SLC60A1: variants seen among roughly 807,000 people sequenced by gnomAD.
SLC60A1 encodes the protein major facilitator superfamily domain containing 4.
the SLC60A1 span, among the ~76,000 whole-genome samples, chr1:205,588,493 A>AG: frequency 0.019 from 2,551 of 135,634 alleles, 154 homozygotes; most frequent in African/African-American, 0.067. Flanking sequence ...AAAAAAAAGA[A>AG]AGAGAAAATA....
chr1:205,600,384 C>A, the SLC60A1 span: 1 of 1,611,248 alleles, frequency 6.2e-7, no homozygotes, highest in African/African-American at 1.3e-5. Flanking sequence ...AACATGCTAC[C>A]TGTTTTGTTT....
the SLC60A1 span, chr1:205,600,206 C>T: frequency 1.9e-6 from 1 of 531,000 alleles, no homozygotes. Flanking sequence ...ACACATTCCC[C>T]AAGCCCTAGA....
At chr1:205,576,016 T>G in the SLC60A1 span, among the ~76,000 whole-genome samples, 2 of 152,164 alleles carry the variant, frequency 1.3e-5, no homozygotes, top group Non-Finnish European at 2.9e-5. Context: ...GGCCTCAGTT[T>G]CCTGATCTGT....
the SLC60A1 span, chr1:205,592,190 C>T: frequency 1.9e-6 from 3 of 1,614,176 alleles, no homozygotes; most frequent in East Asian, 2.2e-5. Flanking sequence ...CCTACAACGT[C>T]GTCTTCCTGT....
chr1:205,572,833 A>G, the SLC60A1 span, among the ~76,000 whole-genome samples: 1 of 152,242 alleles, frequency 6.6e-6, no homozygotes, highest in African/African-American at 2.4e-5. Flanking sequence ...ACTCCCAGGT[A>G]TGATCCCCAA....
chr1:205,569,397 C>A, the SLC60A1 span: 1 of 872,860 alleles, frequency 1.1e-6, no homozygotes, highest in Non-Finnish European at 1.5e-6. Context: ...GCCTCTCCCC[C>A]GGCCCCGTGG....
the SLC60A1 span, among the ~76,000 whole-genome samples, chr1:205,584,504 G>A: frequency 2.7e-5 from 4 of 147,486 alleles, no homozygotes; most frequent in Non-Finnish European, 5.9e-5. Flanking sequence ...GATTATAGGT[G>A]TAAGCCACCA....
At chr1:205,599,086 G>A in the SLC60A1 span, 6 of 1,610,466 alleles carry the variant, frequency 3.7e-6, no homozygotes, top group African/African-American at 2.7e-5. Flanking sequence ...CACCTTCCAC[G>A]TGAAGTTTTA....
At chr1:205,592,251 A>C in the SLC60A1 span, 1 of 1,613,874 alleles carries the variant, frequency 6.2e-7, no homozygotes, top group Non-Finnish European at 8.5e-7. Flanking sequence ...CTTCCCCAGC[A>C]TGCTGGCCTA....
At chr1:205,599,218 T>C in the SLC60A1 span, 1 of 1,614,104 alleles carries the variant, frequency 6.2e-7, no homozygotes, top group Non-Finnish European at 8.5e-7. Context: ...CTTGCTCCTG[T>C]TTTTCCACAG....
the SLC60A1 span, among the ~76,000 whole-genome samples, chr1:205,585,683 C>T: frequency 4.4e-5 from 4 of 91,436 alleles, no homozygotes; most frequent in South Asian, 3.4e-4. The surrounding 1 kb of genome is among the most constrained non-coding windows in gnomAD (Gnocchi z 4.2). Flanking sequence ...TGCTTGCACA[C>T]ACCTTTTTTT....
chr1:205,576,409 A>G, the SLC60A1 span, among the ~76,000 whole-genome samples: 2 of 152,208 alleles, frequency 1.3e-5, no homozygotes, highest in Non-Finnish European at 1.5e-5. Context: ...TCCTCGTGGC[A>G]GCCCCAACCT....
the SLC60A1 span, among the ~76,000 whole-genome samples, chr1:205,591,252 G>A: frequency 6.6e-6 from 1 of 152,176 alleles, no homozygotes; most frequent in Non-Finnish European, 1.5e-5. Context: ...GGAAGCTGAG[G>A]CAGATGGATT....
chr1:205,595,092 G>A, the SLC60A1 span: 19 of 152,188 alleles, frequency 1.2e-4, no homozygotes, highest in African/African-American at 4.6e-4. Flanking sequence ...CAGAGATGAT[G>A]AGCATGGCCC....
At chr1:205,577,835 G>A in the SLC60A1 span, among the ~76,000 whole-genome samples, 562 of 152,350 alleles carry the variant, frequency 3.7e-3, 2 homozygotes, top group African/African-American at 0.013. The surrounding 1 kb of genome is among the most constrained non-coding windows in gnomAD (Gnocchi z 5.2). Flanking sequence ...TCTGTCTGCT[G>A]CTATCTTAGC....
chr1:205,574,827 C>T, the SLC60A1 span, among the ~76,000 whole-genome samples: 1 of 152,200 alleles, frequency 6.6e-6, no homozygotes, highest in Admixed American at 6.5e-5. Context: ...TGCCTAGCAC[C>T]ATGGTGGGCC....
chr1:205,585,769 A>G, the SLC60A1 span, among the ~76,000 whole-genome samples: 436 of 151,142 alleles, frequency 2.9e-3, 1 homozygote, highest in African/African-American at 0.01. The surrounding 1 kb of genome is among the most constrained non-coding windows in gnomAD (Gnocchi z 4.2). Flanking sequence ...GGGCACTCCC[A>G]TGGAGATCCA....
At chr1:205,578,275 T>G in the SLC60A1 span, among the ~76,000 whole-genome samples, 1 of 152,134 alleles carries the variant, frequency 6.6e-6, no homozygotes, top group African/African-American at 2.4e-5. Flanking sequence ...TCAGGCCACC[T>G]AGGAGGCTGC....
the SLC60A1 span, among the ~76,000 whole-genome samples, chr1:205,581,769 C>T: frequency 6.6e-6 from 1 of 152,168 alleles, no homozygotes; most frequent in African/African-American, 2.4e-5. The surrounding 1 kb of genome is among the most constrained non-coding windows in gnomAD (Gnocchi z 4.2). Flanking sequence ...TCTCCTGGGG[C>T]AGGTGGGCTG....
Sources: allele counts gnomAD v4.1 joint callset (sites outside exome capture counted in the v4.1 genomes callset), GRCh38; gene constraint gnomAD v4.1.1; non-coding constraint Gnocchi (gnomAD v3.1); transcripts MANE v1.5; gene names NCBI Gene and HGNC (gene_info 2026-07-23, HGNC 2026-07-21).